POGLUT3: variants seen among roughly 807,000 people sequenced by gnomAD.
The protein encoded by POGLUT3 is protein O-glucosyltransferase 3.
Under a neutral mutation model 54.3 loss-of-function variants are expected in POGLUT3, and 48 were observed. That is an observed-to-expected ratio of 0.88 (90% CI 0.70 to 1.12). POGLUT3 has a LOEUF of 1.12. Among genes scored for constraint, POGLUT3 ranks in the 50% most tolerant of loss-of-function variants. POGLUT3 has a pLI of 0.00. For synonymous variants in POGLUT3, 218 were observed against 237.4 expected, an observed-to-expected ratio of 0.92 and a Z score of 0.75; for missense variants, 629 against 618.7, an observed-to-expected ratio of 1.02 and a Z score of -0.18.
At chr11:108,489,777 A>T (rs2093609834) in intron 2 of POGLUT3, among the ~76,000 whole-genome samples, 1 of 152,164 alleles carries the variant, frequency 6.6e-6, no homozygotes, top group Non-Finnish European at 1.5e-5. Flanking sequence ...GTTTTGTAGA[A>T]ACAAAAAAAT....
chr11:108,484,944 G>A (rs115653580), intron 3 of POGLUT3, among the ~76,000 whole-genome samples: 2,053 of 152,136 alleles, frequency 0.013, 48 homozygotes, highest in African/African-American at 0.046. Context: ...TGAATAGTGA[G>A]ATAAGGGGGC....
chr11:108,494,319 C>A (rs1322156259), intron 1 of POGLUT3, among the ~76,000 whole-genome samples: 1 of 152,192 alleles, frequency 6.6e-6, no homozygotes, highest in Non-Finnish European at 1.5e-5. Context: ...AGTGTTGACC[C>A]CACACGGTCA....
rs2093570466 is a variant in POGLUT3 at position 108,472,277 on chromosome 11, G to A, written c.*2550C>T. On this transcript the variant is annotated 3_prime_UTR_variant, in exon 8 of 8. Transcript: ENST00000323468. ...TGCATTTATTGTCTTTTCTAAGGTT[G>A]GCATTTTTCTTTATTTTGCAATTTG... The A allele has an allele frequency of 1.3e-5, 2 of 151,872 alleles. No homozygotes were observed. Among genetic ancestry groups the A allele is most frequent in the South Asian group, 4.2e-4 (2 of 4,806 alleles). The allele number at this position is 151,872 out of a possible 1,614,324, so 9.4% of individuals were successfully genotyped here. A position where few individuals can be genotyped will look rare whatever the true frequency, so the allele number is the denominator to read the frequency against.
chr11:108,495,358 G>C (rs1565752467), intron 1 of POGLUT3, among the ~76,000 whole-genome samples: 1 of 152,122 alleles, frequency 6.6e-6, no homozygotes, highest in Non-Finnish European at 1.5e-5. Context: ...TTTTTTGGTA[G>C]ATGGGTTTTG....
At chr11:108,480,485 A>G (rs548852128) in intron 5 of POGLUT3, among the ~76,000 whole-genome samples, 1 of 152,236 alleles carries the variant, frequency 6.6e-6, no homozygotes, top group Admixed American at 6.5e-5. Flanking sequence ...TGGTATTCAG[A>G]GAAATGTATA....
rs766873453 is a variant in POGLUT3, at chr11:108,482,209, T to C, written c.698A>G (p.Asp233Gly). The change falls in exon 4 of 8, where the codon GAT becomes GGT. Residue 233 changes from aspartate to glycine, a missense_variant. By Grantham distance (94) the Asp-to-Gly change is moderately conservative. Transcript: ENST00000323468. ...LSLTRKVLLP[D>G]LEFYVNLGDW... ...TCCAAGATTAACATAAAATTCTAAA[T>C]CTGGGAGAAGGACCTAAATAAACAT... The C allele has an allele frequency of 2.5e-6, 4 of 1,613,234 alleles. No individual in the cohort carries two copies. Among genetic ancestry groups the C allele is most frequent in the Non-Finnish European group, 3.4e-6 (4 of 1,179,400 alleles).
chr11:108,477,768 G>A (rs2093584953), intron 6 of POGLUT3, 57 bp from the exon 7 acceptor site: 1 of 1,130,368 alleles, frequency 8.8e-7, no homozygotes, highest in Non-Finnish European at 1.3e-6. Context: ...CCCACAAAGA[G>A]AGGGTTAAGT....
At position 108,491,311 on chromosome 11, in the gene POGLUT3, C is replaced by G. The variant is rs551689950; in HGVS notation, c.203-144G>C. The G allele has an allele frequency of 1.2e-4, 76 of 655,238 alleles. 1 individual carries two copies. The East Asian group carries it at 2.1e-3, about 18-fold the overall frequency. The allele number at this position is 655,238 out of a possible 1,614,324, so 40.6% of individuals were successfully genotyped here. A position where few individuals can be genotyped will look rare whatever the true frequency, so the allele number is the denominator to read the frequency against. ...AAAAAAATCATTTCCTTTGGAAGAT[C>G]TTTGAGGCCAGGAACTGTCATGTCT... On this transcript the variant is annotated intron_variant, in intron 1 of 7. Transcript: ENST00000323468.
chr11:108,476,027 C>T (rs1316817823), intron 7 of POGLUT3, among the ~76,000 whole-genome samples: 2 of 151,964 alleles, frequency 1.3e-5, no homozygotes, highest in Admixed American at 1.3e-4. Flanking sequence ...GTCCCAGCTA[C>T]TAGTGGGAGG....
At chr11:108,485,549 T>C (rs1342389435) in intron 3 of POGLUT3, among the ~76,000 whole-genome samples, 1 of 152,206 alleles carries the variant, frequency 6.6e-6, no homozygotes, top group Non-Finnish European at 1.5e-5. Flanking sequence ...AGTAACCTTG[T>C]TATAAATCTC....
At chr11:108,481,426 A>G (rs1423865110) in intron 4 of POGLUT3, 50 bp from the exon 5 acceptor site, 2 of 1,426,144 alleles carry the variant, frequency 1.4e-6, no homozygotes, top group Non-Finnish European at 1.9e-6. Context: ...TTGACATTTT[A>G]ATATGGCAAG....
chr11:108,497,062 A>G (rs1180843216), intron 1 of POGLUT3, among the ~76,000 whole-genome samples: 1 of 152,196 alleles, frequency 6.6e-6, no homozygotes, highest in South Asian at 2.1e-4. Flanking sequence ...TTGCCACTGC[A>G]CTCTGTACAT....
At chr11:108,488,550 A>G (rs920605277) in intron 2 of POGLUT3, among the ~76,000 whole-genome samples, 1 of 152,216 alleles carries the variant, frequency 6.6e-6, no homozygotes, top group Admixed American at 6.5e-5. Context: ...TAGACTTTGT[A>G]GGACAGAGTA....
rs1478261346 is a variant in POGLUT3, at chr11:108,474,398, G to A, written c.*429C>T. The A allele has an allele frequency of 6.6e-6, 1 of 152,294 alleles. No homozygotes were observed. Among genetic ancestry groups the A allele is most frequent in the Admixed American group, 6.5e-5 (1 of 15,278 alleles). The allele number at this position is 152,294 out of a possible 1,614,324, so 9.4% of individuals were successfully genotyped here. On this transcript the variant is annotated 3_prime_UTR_variant, in exon 8 of 8. Coordinates refer to ENST00000323468, the MANE Select transcript of POGLUT3 (RefSeq NM_153705.5). ...CCCCAAAATCCAAAACTTTTTGAGTGCTGACACCACCACTTGGGTCGCTAA... is the reference window on the plus strand; with the variant it reads ...CCCCAAAATCCAAAACTTTTTGAGTACTGACACCACCACTTGGGTCGCTAA...
In POGLUT3 at chr11:108,498,202, G is replaced by A; in HGVS notation, c.165C>T (p.Val55=). Residue 55 remains valine (V), a synonymous_variant, in exon 1 of 8, where the codon GTC becomes GTT. Transcript: ENST00000323468. ...GAGTGAGGTTCTGGCCCTCCGAGTT[G>A]ACCGCCTGCAGGTAGAAATAGCGGA... ...LPVRYFYLQA[V]NSEGQNLTRS... 2 of 1,521,632 alleles carry A rather than the reference G, an allele frequency of 1.3e-6. No homozygotes were observed. The highest frequency in any genetic ancestry group is 1.8e-6 in the Non-Finnish European group (2 of 1,136,552). 94.3% of individuals were successfully genotyped at this position (1,521,632 alleles called of 1,614,324 possible).
intron 1 of POGLUT3, among the ~76,000 whole-genome samples, chr11:108,493,636 T>A (rs2093616864): frequency 6.6e-6 from 1 of 151,926 alleles, no homozygotes. Context: ...AAACCCCTTC[T>A]CTACTAAAAA....
At chr11:108,495,335 T>G (rs1327012739) in intron 1 of POGLUT3, among the ~76,000 whole-genome samples, 1 of 152,098 alleles carries the variant, frequency 6.6e-6, no homozygotes, top group Admixed American at 6.5e-5. Flanking sequence ...CACGCCTGGC[T>G]GATATTTTGG....
Position 108,487,948 on chromosome 11 carries a change from G to C in POGLUT3, c.401-1508C>G, listed in dbSNP as rs913517054. Among the ~76,000 whole-genome samples, 5 of 151,366 alleles carry C rather than the reference G, an allele frequency of 3.3e-5. No individual in the cohort carries two copies. The East Asian group carries it at 9.8e-4, about 30-fold the overall frequency. On this transcript the variant is annotated intron_variant, in intron 2 of 7. Coordinates refer to ENST00000323468, the MANE Select transcript of POGLUT3 (RefSeq NM_153705.5). The stretch of plus-strand genomic sequence containing the variant: ...TCTTTTCATTGACAACAAGTAACAG[G>C]GACTGATGTACCACCCCACCTGAAA...
At chr11:108,489,749 CTGTAGAAACAAAAAAATGTTT>C (rs955211388) in intron 2 of POGLUT3, among the ~76,000 whole-genome samples, 3 of 151,950 alleles carry the variant, frequency 2.0e-5, no homozygotes, top group African/African-American at 7.3e-5. Flanking sequence ...TAAAAAGACC[CTGTAGAAACAAAAAAATGTTT>C]TGTAGAAACA....
Sources: gnomAD v4.1 joint callset for allele counts (sites outside exome capture counted in the v4.1 genomes callset) on GRCh38, gnomAD v4.1.1 for gene constraint, MANE v1.5 for transcripts, NCBI Gene and HGNC (gene_info 2026-07-23, HGNC 2026-07-21) for gene names.